NCOR1: variants seen among roughly 807,000 people sequenced by gnomAD.
NCOR1 encodes protein phosphatase 1, regulatory subunit 109.
NCOR1 carries 63 observed loss-of-function variants against 288.1 expected under a neutral mutation model. The ratio of observed to expected loss-of-function variants is 0.22; its 90% CI spans 0.18 to 0.27. The LOEUF is 0.27. Ranked by LOEUF, NCOR1 falls within the 10% of genes least tolerant of loss-of-function variation. NCOR1 has a pLI of 1.00. For synonymous variants in NCOR1, 1,007 were observed against 1,065.9 expected, an observed-to-expected ratio of 0.94 and a Z score of 1.08; for missense variants, 2,397 against 3,019.2, an observed-to-expected ratio of 0.79 and a Z score of 4.83.
At chr17:16,044,378 C>T in intron 42 of NCOR1, 2 of 471,042 alleles carry the variant, frequency 4.2e-6, no homozygotes, top group Non-Finnish European at 4.4e-6. Context: ...AAGAGTGACA[C>T]AGATCTAAAC....
In NCOR1 at chr17:16,029,578, A is replaced by T. The variant is rs1056709961; in HGVS notation, c.*2718T>A. 2 of 205,978 alleles carry T rather than the reference A, an allele frequency of 9.7e-6. No individual in the cohort carries two copies. The highest frequency in any genetic ancestry group is 5.4e-5 in the Admixed American group (1 of 18,542). The allele number at this position is 205,978 out of a possible 1,614,324, so 12.8% of individuals were successfully genotyped here. ...CCTTAATTTAGTTCTGGGTGCTAAA[A>T]AAATCACGTGTAAGGATATAGTGTC... is the stretch of plus-strand genomic sequence containing the variant. On this transcript the variant is annotated 3_prime_UTR_variant, in exon 46 of 46. Transcript: ENST00000268712.
At chr17:16,066,279 A>G (rs2061112821) in intron 32 of NCOR1, among the ~76,000 whole-genome samples, 1 of 152,220 alleles carries the variant, frequency 6.6e-6, no homozygotes, top group South Asian at 2.1e-4. Context: ...CTACGGAAAA[A>G]AAGAATAAAT....
intron 10 of NCOR1, among the ~76,000 whole-genome samples, chr17:16,145,126 C>T (rs2077695962): frequency 1.3e-5 from 2 of 152,236 alleles, no homozygotes; most frequent in South Asian, 4.1e-4. Context: ...GTCTCCAGCT[C>T]CTGACCGCGA....
chr17:16,190,322 C>G (rs989675873), intron 2 of NCOR1, among the ~76,000 whole-genome samples: 3 of 152,078 alleles, frequency 2.0e-5, no homozygotes, highest in South Asian at 2.1e-4. Context: ...ATACCAACCA[C>G]AGACGCTCTC....
intron 23 of NCOR1, among the ~76,000 whole-genome samples, chr17:16,084,546 T>G (rs762891017): frequency 6.6e-6 from 1 of 152,124 alleles, no homozygotes; most frequent in Non-Finnish European, 1.5e-5. Context: ...CACTGAAGAC[T>G]TATACTACAT....
Position 16,040,546 on chromosome 17 carries a change from CAAACT to C in NCOR1, c.6680-57_6680-53del, listed in dbSNP as rs779871417. 4 of 1,474,682 alleles carry C rather than the reference CAAACT, an allele frequency of 2.7e-6. No homozygotes were observed. In the South Asian group the frequency reaches 3.6e-5, roughly 13 times the overall value. The allele number at this position is 1,474,682 out of a possible 1,614,324, so 91.3% of individuals were successfully genotyped here. On this transcript the variant is annotated intron_variant, in intron 42 of 45. Transcript: ENST00000268712. ...ATTAAGATGTGATAATCATATATAC[CAAACT>C]AAAGTCTCAAAAAATTCCTATAATA... is the stretch of plus-strand genomic sequence containing the variant.
rs1195584590 is a variant in NCOR1 at position 16,146,396 on chromosome 17, T to C, written c.1062A>G (p.Glu354=). 6.2e-7 allele frequency: 1 copy of C among 1,608,304 alleles called. No homozygotes were observed. Among genetic ancestry groups the C allele is most frequent in the East Asian group, 2.2e-5 (1 of 44,806 alleles). The change falls in exon 10 of 46, where the codon GAA becomes GAG. Residue 354 remains glutamate (E), a synonymous_variant. Transcript: ENST00000268712. ...KQFPEIRKQR[E]QQERFQRVGQ... ...CTCACCGCTGAAATCTTTCTTGCTG[T>C]TCTCTTTGTTTTCGAATTTCTGGAA... is the stretch of plus-strand genomic sequence containing the variant.
At chr17:16,070,045 A>C (rs965551589) in intron 31 of NCOR1, 120 bp downstream of exon 31, 3 of 1,301,826 alleles carry the variant, frequency 2.3e-6, no homozygotes, top group Admixed American at 2.5e-5. Context: ...CTCAAGCAAG[A>C]CCTGTAGATC....
chr17:16,166,694 A>G (rs1267052616), intron 4 of NCOR1, among the ~76,000 whole-genome samples: 3 of 152,030 alleles, frequency 2.0e-5, no homozygotes, highest in Non-Finnish European at 4.4e-5. Context: ...AAAAAGAAAA[A>G]AAAATCAGAT....
chr17:16,061,259 A>T (rs1310613825), intron 37 of NCOR1, 142 bp downstream of exon 37: 1 of 1,050,820 alleles, frequency 9.5e-7, no homozygotes. Context: ...ATAATCATAA[A>T]AACAGCAGAA....
chr17:16,126,094 T>A lies in NCOR1; in HGVS notation c.1622A>T (p.Lys541Ile). ...EKKDEEEKDE[K>I]EDSKENTKEK... ...TTATTTAACTCACTTGGAGTCTTCT[T>A]TTTCATCTTTTTCCTCTTCATCTTT... Residue 541 changes from lysine (K) to isoleucine (I), a missense_variant, in exon 15 of 46, where the codon AAA becomes ATA. Lys to Ile is a moderately radical substitution (Grantham distance 102). This residue lies in a region of NCOR1 where 113 missense variants were observed against 139.5 expected (regional missense o/e 0.81). Coordinates refer to ENST00000268712, the MANE Select transcript of NCOR1 (RefSeq NM_006311.4). The A allele has an allele frequency of 2.2e-6, 3 of 1,342,642 alleles. No homozygotes were observed. The highest frequency in any genetic ancestry group is 3.1e-6 in the Non-Finnish European group (3 of 980,972). The allele number at this position is 1,342,642 out of a possible 1,614,324, so 83.2% of individuals were successfully genotyped here.
intron 42 of NCOR1, 91 bp from the exon 43 acceptor site, chr17:16,040,585 C>T: frequency 9.3e-7 from 1 of 1,079,756 alleles, no homozygotes; most frequent in Non-Finnish European, 1.4e-6. Context: ...TAAAATTAAT[C>T]TTTTTATTTT....
At chr17:16,118,484 G>C (rs1441096728) in intron 17 of NCOR1, among the ~76,000 whole-genome samples, 2 of 152,076 alleles carry the variant, frequency 1.3e-5, no homozygotes, top group Non-Finnish European at 2.9e-5. Flanking sequence ...TCACAATCAA[G>C]CAATGCCATC....
Position 16,135,158 on chromosome 17 carries a change from CAAAAAAAAAAAA to C in NCOR1, c.1509+2141_1509+2152del, listed in dbSNP as rs577308243. ...TGGGCGACAGAGCGAGACTCCATCT[CAAAAAAAAAAAA>C]AAAAAAAAAAAACTGTAGCTGAAAC... On this transcript the variant is annotated intron_variant, in intron 14 of 45. Transcript: ENST00000268712. Among the ~76,000 whole-genome samples, 6 of 35,880 alleles carry C rather than the reference CAAAAAAAAAAAA, an allele frequency of 1.7e-4. No homozygotes were observed. The East Asian group carries it at 4.1e-3, about 24-fold the overall frequency. The allele number at this position is 35,880 out of a possible 152,430, so 23.5% of individuals were successfully genotyped here. A position where few individuals can be genotyped will look rare whatever the true frequency, so the allele number is the denominator to read the frequency against.
At chr17:16,104,188 T>G (rs1392853053) in intron 19 of NCOR1, among the ~76,000 whole-genome samples, 1 of 152,222 alleles carries the variant, frequency 6.6e-6, no homozygotes, top group African/African-American at 2.4e-5. Context: ...GATTATCACT[T>G]AAGTACTAGC....
chr17:16,040,036 C>T (rs527686216), intron 43 of NCOR1: 22 of 397,322 alleles, frequency 5.5e-5, no homozygotes, highest in Non-Finnish European at 8.2e-5. Flanking sequence ...GTGATCCGCC[C>T]GCCTTGGCCT....
At chr17:16,159,975 G>T (rs998327279) in intron 5 of NCOR1, among the ~76,000 whole-genome samples, 1 of 151,734 alleles carries the variant, frequency 6.6e-6, no homozygotes, top group Non-Finnish European at 1.5e-5. Flanking sequence ...GATTACAGGC[G>T]GCCACCACCA....
At chr17:16,096,192 T>C (rs1285758366) in intron 21 of NCOR1, among the ~76,000 whole-genome samples, 1 of 152,112 alleles carries the variant, frequency 6.6e-6, no homozygotes, top group East Asian at 1.9e-4. Flanking sequence ...ACACTCTGCC[T>C]AGGAAAACCA....
At chr17:16,185,488 AG>A (rs2086455714) in intron 3 of NCOR1, among the ~76,000 whole-genome samples, 1 of 151,914 alleles carries the variant, frequency 6.6e-6, no homozygotes, top group Non-Finnish European at 1.5e-5. Flanking sequence ...ATTCAAGACC[AG>A]CCTGGTCAAC....
Sources: gnomAD v4.1 joint callset for allele counts (sites outside exome capture counted in the v4.1 genomes callset) on GRCh38, gnomAD v4.1.1 for gene constraint, gnomAD v4.1.1 regional missense constraint, MANE v1.5 for transcripts, NCBI Gene and HGNC (gene_info 2026-07-23, HGNC 2026-07-21) for gene names.